GTF2F2: variants seen among roughly 807,000 people sequenced by gnomAD.
The protein encoded by GTF2F2 is general transcription factor IIF subunit 2, also known as ATP-dependent helicase GTF2F2.
GTF2F2 carries 23 observed loss-of-function variants against 42.2 expected under a neutral mutation model. The ratio of observed to expected loss-of-function variants is 0.55; its 90% CI spans 0.39 to 0.77. The LOEUF (loss-of-function observed/expected upper bound fraction) is 0.77, where lower values mean the gene tolerates loss of function less well. Among genes scored for constraint, GTF2F2 ranks in the 30% least tolerant of loss-of-function variants. The probability of loss-of-function intolerance (pLI) is 0.00; values close to 1 mark genes in which losing one functional copy is unlikely to be tolerated. For synonymous variants in GTF2F2, 105 were observed against 100.8 expected (o/e 1.04, Z -0.25); for missense variants, 261 against 287.2 (o/e 0.91, Z 0.66).
intron 4 of GTF2F2, among the ~76,000 whole-genome samples, chr13:45,190,952 A>G: frequency 6.6e-6 from 1 of 151,686 alleles, no homozygotes; most frequent in East Asian, 1.9e-4. Flanking sequence ...AAAAAAAAAA[A>G]AAAACTGAAT....
At chr13:45,177,038 C>A (rs905112900) in intron 4 of GTF2F2, among the ~76,000 whole-genome samples, 2 of 152,142 alleles carry the variant, frequency 1.3e-5, no homozygotes, top group Admixed American at 6.5e-5. Flanking sequence ...GATCCACCCA[C>A]CTCAGCCTTT....
intron 4 of GTF2F2, 74 bp downstream of exon 4, chr13:45,151,905 T>A: frequency 1.6e-5 from 8 of 488,338 alleles, no homozygotes; most frequent in Non-Finnish European, 2.8e-5. Flanking sequence ...CATACACTCC[T>A]ATTTGCTTTT....
At chr13:45,125,918 C>T (rs1467668817) in intron 1 of GTF2F2, among the ~76,000 whole-genome samples, 1 of 152,150 alleles carries the variant, frequency 6.6e-6, no homozygotes, top group Non-Finnish European at 1.5e-5. Context: ...CAGGAGCCCT[C>T]CAGAGCTGTC....
rs566013626 is a variant in GTF2F2, at chr13:45,268,153, T to G, written c.630+777T>G. On this transcript the variant is annotated intron_variant, in intron 7 of 7. Coordinates refer to ENST00000340473, the MANE Select transcript of GTF2F2 (RefSeq NM_004128.3). Reference sequence around the variant, plus strand: ...GTCACCAAAGTATCAGACTGAGTATTTACTTATAGGTTTAAGAAAATTGAA... The same window carrying G: ...GTCACCAAAGTATCAGACTGAGTATGTACTTATAGGTTTAAGAAAATTGAA... Among the ~76,000 whole-genome samples, 8 of 152,252 alleles carry G rather than the reference T, an allele frequency of 5.3e-5. No individual in the cohort carries two copies. In the South Asian group the frequency reaches 1.7e-3, roughly 32 times the overall value.
At chr13:45,271,569 T>C (rs1304080547) in intron 7 of GTF2F2, among the ~76,000 whole-genome samples, 1 of 151,678 alleles carries the variant, frequency 6.6e-6, no homozygotes, top group African/African-American at 2.4e-5. Context: ...TCTTTCTTTC[T>C]TGAGACAGAG....
chr13:45,152,864 A>T (rs1566115884), intron 4 of GTF2F2, among the ~76,000 whole-genome samples: 1 of 152,180 alleles, frequency 6.6e-6, no homozygotes, highest in Non-Finnish European at 1.5e-5. Flanking sequence ...TAATGGAGCT[A>T]ATTTTCTCCT....
At chr13:45,122,306 A>C (rs1035158446) in intron 1 of GTF2F2, among the ~76,000 whole-genome samples, 1 of 152,112 alleles carries the variant, frequency 6.6e-6, no homozygotes, top group African/African-American at 2.4e-5. Context: ...AGTACGAATT[A>C]GAGGGGAGGG....
chr13:45,271,172 G>GTCCCA (rs1876774651), intron 7 of GTF2F2, among the ~76,000 whole-genome samples: 1 of 151,880 alleles, frequency 6.6e-6, no homozygotes, highest in Admixed American at 6.6e-5. Flanking sequence ...AGCCCCTGTA[G>GTCCCA]TCCCAGCTAC....
chr13:45,261,077 G>A (rs1207355105), intron 6 of GTF2F2, among the ~76,000 whole-genome samples: 1 of 152,012 alleles, frequency 6.6e-6, no homozygotes, highest in Non-Finnish European at 1.5e-5. Context: ...AGTGAGGTGA[G>A]ATTGCGCCAC....
chr13:45,229,204 C>T (rs555283341), intron 5 of GTF2F2, among the ~76,000 whole-genome samples: 1 of 152,226 alleles, frequency 6.6e-6, no homozygotes, highest in South Asian at 2.1e-4. Context: ...CTCCACTCCC[C>T]TCGCTCCCTC....
chr13:45,216,622 G>T (rs1593496764), intron 5 of GTF2F2, among the ~76,000 whole-genome samples: 1 of 151,992 alleles, frequency 6.6e-6, no homozygotes, highest in East Asian at 1.9e-4. Flanking sequence ...GGTTCAAGCA[G>T]TTCTCCTGCC....
In GTF2F2 at chr13:45,203,487, C is replaced by T. The variant is rs571490212; in HGVS notation, c.305-3937C>T. On this transcript the variant is annotated intron_variant, in intron 4 of 7. Transcript: ENST00000340473. Reference sequence around the variant, plus strand: ...TGCAGACTCTTTCTAGACTCCTGTGCTTCCCTTTCAGTCTCCAGTTGTCTC... The same window carrying T: ...TGCAGACTCTTTCTAGACTCCTGTGTTTCCCTTTCAGTCTCCAGTTGTCTC... Among the ~76,000 whole-genome samples the T allele has an allele frequency of 3.3e-5, 5 of 152,252 alleles. No homozygotes were observed. The South Asian group carries it at 8.3e-4, about 25-fold the overall frequency.
chr13:45,123,407 T>TC (rs1850707514), intron 1 of GTF2F2: 1 of 152,168 alleles, frequency 6.6e-6, no homozygotes, highest in Non-Finnish European at 1.5e-5. Context: ...GTGGGCGAAT[T>TC]GCTTGAGCCC....
chr13:45,260,149 T>C (rs571177917), intron 6 of GTF2F2, among the ~76,000 whole-genome samples: 1 of 152,338 alleles, frequency 6.6e-6, no homozygotes, highest in South Asian at 2.1e-4. Context: ...ATATATGCTC[T>C]GTTCCCTTCA....
intron 2 of GTF2F2, among the ~76,000 whole-genome samples, chr13:45,141,788 G>A (rs1869939810): frequency 6.6e-6 from 1 of 152,038 alleles, no homozygotes; most frequent in South Asian, 2.1e-4. Flanking sequence ...TGCTTGGTAT[G>A]TAAGCCTCCA....
At chr13:45,127,320 C>CCT (rs1555263227) in intron 1 of GTF2F2, among the ~76,000 whole-genome samples, 23 of 147,690 alleles carry the variant, frequency 1.6e-4, no homozygotes, top group African/African-American at 5.5e-4. Context: ...GCACAATCTG[C>CCT]TTTTTTTTTT....
chr13:45,238,501 C>T (rs1875111339), intron 5 of GTF2F2, among the ~76,000 whole-genome samples: 1 of 152,178 alleles, frequency 6.6e-6, no homozygotes, highest in Non-Finnish European at 1.5e-5. Context: ...CTATCACATG[C>T]TGTCCCTTAT....
At chr13:45,121,988 A>G (rs928157127) in intron 1 of GTF2F2, among the ~76,000 whole-genome samples, 1 of 152,198 alleles carries the variant, frequency 6.6e-6, no homozygotes, top group African/African-American at 2.4e-5. Context: ...TCCTAGGAGC[A>G]TGGTAAATGC....
intron 4 of GTF2F2, among the ~76,000 whole-genome samples, chr13:45,189,117 T>C (rs1872534823): frequency 6.6e-6 from 1 of 152,170 alleles, no homozygotes; most frequent in Non-Finnish European, 1.5e-5. Flanking sequence ...GTGTTCTCAT[T>C]GTTCAACTCC....
Sources: gnomAD v4.1 joint callset for allele counts (sites outside exome capture counted in the v4.1 genomes callset) on GRCh38, gnomAD v4.1.1 for gene constraint, MANE v1.5 for transcripts, NCBI Gene and HGNC (gene_info 2026-07-23, HGNC 2026-07-21) for gene names.